SUFU: variants seen among roughly 807,000 people sequenced by gnomAD.
SUFU encodes suppressor of fused homolog.
In SUFU, 7 loss-of-function variants were observed where a neutral mutation model predicts 58.9. That is an observed-to-expected ratio of 0.12 (90% CI 0.07 to 0.22). SUFU has a LOEUF of 0.22. Among genes scored for constraint, SUFU ranks in the 10% least tolerant of loss-of-function variants. The pLI, the probability that SUFU is intolerant of heterozygous loss-of-function variation, is 1.00. For missense variants in SUFU, 451 were observed against 641.3 expected (o/e 0.70, Z 3.20); for synonymous variants, 232 against 254.8 (o/e 0.91, Z 0.85).
chr10:102,628,997 A>G lies in SUFU; in HGVS notation c.1366-1069A>G, dbSNP rs1298416226. ...ATGGAGAAAACCCATCTCTACTAAT[A>G]ATACAATAATTAGCCGGGCTTGGTG... On this transcript the variant is annotated intron_variant, in intron 11 of 11. Coordinates refer to ENST00000369902, the MANE Select transcript of SUFU (RefSeq NM_016169.4). The surrounding 1 kb of genome is among the most constrained non-coding windows in gnomAD (Gnocchi z 4.5). 2.0e-5 allele frequency among the ~76,000 whole-genome samples: 3 copies of G among 152,138 alleles called. No homozygotes were observed. The highest frequency in any genetic ancestry group is 7.2e-5 in the African/African-American group (3 of 41,428).
Position 102,630,287 on chromosome 10 carries a change from G to C in SUFU, c.*132G>C. The stretch of plus-strand genomic sequence containing the variant: ...GAGGAAGACTGCGCAGTGCCACCCC[G>C]CAGCCCAGTGGGGTGCCATGCACAG... On this transcript the variant is annotated 3_prime_UTR_variant, in exon 12 of 12. Coordinates refer to ENST00000369902, the MANE Select transcript of SUFU (RefSeq NM_016169.4). 1.2e-6 allele frequency: 1 copy of C among 815,508 alleles called. No homozygotes were observed. Among genetic ancestry groups the C allele is most frequent in the African/African-American group, 1.7e-5 (1 of 59,202 alleles). The allele number at this position is 815,508 out of a possible 1,614,324, so 50.5% of individuals were successfully genotyped here. A position where few individuals can be genotyped will look rare whatever the true frequency, so the allele number is the denominator to read the frequency against.
intron 2 of SUFU, among the ~76,000 whole-genome samples, chr10:102,542,657 C>T (rs773665539): frequency 6.5e-4 from 95 of 145,814 alleles, no homozygotes; most frequent in Middle Eastern, 3.7e-3. Flanking sequence ...CTGAGTCTCC[C>T]TCTGTCACCC....
At chr10:102,564,952 T>C (rs2063072720) in intron 3 of SUFU, among the ~76,000 whole-genome samples, 1 of 152,212 alleles carries the variant, frequency 6.6e-6, no homozygotes, top group South Asian at 2.1e-4. Flanking sequence ...AACAGGTCAG[T>C]CCCTCAGAAA....
intron 10 of SUFU, among the ~76,000 whole-genome samples, chr10:102,623,904 C>T (rs904332728): frequency 6.6e-6 from 1 of 152,152 alleles, no homozygotes; most frequent in African/African-American, 2.4e-5. Context: ...TGTACCACTG[C>T]ACTCCAGCCT....
rs896775223 is a variant in SUFU at position 102,575,849 on chromosome 10, AT to A, written c.455-16724del. ...TAGATAATACATAAATAAATTTCAG[AT>A]TTTTTTTTGGAAACGGGGTCTCTGT... On this transcript the variant is annotated intron_variant, in intron 3 of 11. Coordinates refer to ENST00000369902, the MANE Select transcript of SUFU (RefSeq NM_016169.4). Among the ~76,000 whole-genome samples, 8 of 151,184 alleles carry A rather than the reference AT, an allele frequency of 5.3e-5. No individual in the cohort carries two copies. In the East Asian group the frequency reaches 1.2e-3, roughly 22 times the overall value.
chr10:102,546,970 CCTT>C (rs2062861954), intron 2 of SUFU, among the ~76,000 whole-genome samples: 2 of 152,380 alleles, frequency 1.3e-5, no homozygotes, highest in South Asian at 4.1e-4. Flanking sequence ...CACGGACCCT[CCTT>C]AGTGAAGTGG....
At chr10:102,602,936 G>C (rs2063527155) in intron 8 of SUFU, among the ~76,000 whole-genome samples, 1 of 152,142 alleles carries the variant, frequency 6.6e-6, no homozygotes, top group Non-Finnish European at 1.5e-5. Context: ...CTGCCTGCTC[G>C]GGTGAGTTTG....
intron 3 of SUFU, among the ~76,000 whole-genome samples, chr10:102,559,908 A>T (rs2063018306): frequency 6.6e-6 from 1 of 152,170 alleles, no homozygotes; most frequent in Non-Finnish European, 1.5e-5. Flanking sequence ...AAGTGCCTTC[A>T]CTTGCTGCTG....
chr10:102,510,281 C>T (rs971296748), intron 2 of SUFU, among the ~76,000 whole-genome samples: 2 of 151,938 alleles, frequency 1.3e-5, no homozygotes, highest in African/African-American at 4.8e-5. Context: ...GTGATCTTGG[C>T]TCACTGCAAG....
At chr10:102,517,366 A>C (rs7070591) in intron 2 of SUFU, among the ~76,000 whole-genome samples, 35,780 of 152,006 alleles carry the variant, frequency 0.24, 4,622 homozygotes, top group South Asian at 0.34. Flanking sequence ...ACCAGGCCAG[A>C]GTGGTGCCAG....
Position 102,600,404 on chromosome 10 carries a change from G to A in SUFU, c.1022+860G>A, listed in dbSNP as rs144875071. ...TACACATTTGCTGTCTGACAAGCTC[G>A]GACCTAGGGGGCCATCTGGGGTGCA... On this transcript the variant is annotated intron_variant, in intron 8 of 11. Transcript: ENST00000369902. Among the ~76,000 whole-genome samples, 665 of 152,274 alleles carry A rather than the reference G, an allele frequency of 4.4e-3. 7 individuals carry two copies. The highest frequency in any genetic ancestry group is 0.015 in the African/African-American group (633 of 41,540).
chr10:102,555,064 C>A (rs1029553908), intron 3 of SUFU, among the ~76,000 whole-genome samples: 1 of 152,000 alleles, frequency 6.6e-6, no homozygotes, highest in Non-Finnish European at 1.5e-5. Context: ...GTCAGGAGAT[C>A]AAGACCATCC....
chr10:102,627,196 G>A lies in SUFU; in HGVS notation c.1318G>A (p.Val440Ile). The change falls in exon 11 of 12, where the codon GTA (valine) becomes ATA (isoleucine). Residue 440 changes from valine to isoleucine, a missense_variant. By Grantham distance (29) the Val-to-Ile change is conservative. Transcript: ENST00000369902. ...ACAGATTCTGTTGACCGAAGAGTTT[G>A]TAGAGAAAATGTTGGAGGATTTAGA... ...WLQILLTEEF[V>I]EKMLEDLEDL... 6.2e-7 allele frequency: 1 copy of A among 1,614,252 alleles called. No individual in the cohort carries two copies. Among genetic ancestry groups the A allele is most frequent in the East Asian group, 2.2e-5 (1 of 44,888 alleles).
chr10:102,533,133 C>T (rs535403548), intron 2 of SUFU, among the ~76,000 whole-genome samples: 2 of 152,244 alleles, frequency 1.3e-5, no homozygotes, highest in South Asian at 2.1e-4. Flanking sequence ...TGGAGGATAA[C>T]TCTTGGGATT....
intron 2 of SUFU, among the ~76,000 whole-genome samples, chr10:102,514,107 G>A (rs552663196): frequency 1.4e-4 from 21 of 151,830 alleles, no homozygotes; most frequent in Admixed American, 1.0e-3. Context: ...GGCTGGTCTC[G>A]AACTACTGGA....
rs570474922 is a variant in SUFU, at chr10:102,594,427, C to T, written c.756+362C>T. Among the ~76,000 whole-genome samples, 41 of 152,306 alleles carry T rather than the reference C, an allele frequency of 2.7e-4. 1 individual carries two copies. In the South Asian group the frequency reaches 5.0e-3, roughly 18 times the overall value. On this transcript the variant is annotated intron_variant, in intron 6 of 11. Transcript: ENST00000369902. ...CAGACTTTCTTTTAGGGAGCCACCA[C>T]GGCCACCACCGCCCTGTACCAGACA...
At chr10:102,570,019 T>C (rs2063143680) in intron 3 of SUFU, among the ~76,000 whole-genome samples, 1 of 152,210 alleles carries the variant, frequency 6.6e-6, no homozygotes, top group Non-Finnish European at 1.5e-5. Context: ...TGACTTTTTG[T>C]TACTCAGAAT....
intron 3 of SUFU, among the ~76,000 whole-genome samples, chr10:102,571,977 A>C (rs1333930356): frequency 6.6e-6 from 1 of 152,206 alleles, no homozygotes; most frequent in African/African-American, 2.4e-5. Flanking sequence ...GCTTCTTTAA[A>C]GCAGCAATGG....
rs181865988 is a variant in SUFU, at chr10:102,515,376, G to A, written c.317+6073G>A. On this transcript the variant is annotated intron_variant, in intron 2 of 11. Transcript: ENST00000369902. ...CTGTCACCCAGGCTGGAGTGCAATG[G>A]TGTGATCTCACTCACTGCAACCTCC... 1.4e-3 allele frequency among the ~76,000 whole-genome samples: 203 copies of A among 150,282 alleles called. 1 individual carries two copies. The highest frequency in any genetic ancestry group is 3.2e-4 in the Non-Finnish European group (22 of 67,740).
Sources: gnomAD v4.1 joint callset for allele counts (sites outside exome capture counted in the v4.1 genomes callset) on GRCh38, gnomAD v4.1.1 for gene constraint, Gnocchi (gnomAD v3.1) non-coding constraint, MANE v1.5 for transcripts, NCBI Gene and HGNC (gene_info 2026-07-23, HGNC 2026-07-21) for gene names.